GRIP1: variants seen among roughly 807,000 people sequenced by gnomAD.
GRIP1 encodes the protein glutamate receptor interacting protein 1, also known as glutamate receptor-interacting protein 1.
GRIP1 carries 45 observed loss-of-function variants against 129.9 expected under a neutral mutation model. The observed-to-expected ratio is 0.35, with a 90% confidence interval of 0.27 to 0.44. GRIP1 has a LOEUF of 0.44. Ranked by LOEUF, GRIP1 falls within the 20% of genes least tolerant of loss-of-function variation. GRIP1 has a pLI of 1.00. For missense variants in GRIP1, 1,196 were observed against 1,396.8 expected (o/e 0.86, Z 2.29); for synonymous variants, 530 against 520.8 (o/e 1.02, Z -0.24).
intron 1 of GRIP1, among the ~76,000 whole-genome samples, chr12:66,962,643 T>C (rs928142593): frequency 6.6e-6 from 1 of 152,032 alleles, no homozygotes; most frequent in Non-Finnish European, 1.5e-5. Flanking sequence ...AGCCAGTAAA[T>C]GTGCAGGGGT....
At chr12:66,542,695 A>G (rs529081791) in intron 2 of GRIP1, among the ~76,000 whole-genome samples, 1 of 152,356 alleles carries the variant, frequency 6.6e-6, no homozygotes, top group African/African-American at 2.4e-5. Flanking sequence ...AGAAAACTGT[A>G]AGAATATCCT....
chr12:66,822,273 C>T (rs2039334456), intron 1 of GRIP1, among the ~76,000 whole-genome samples: 1 of 152,200 alleles, frequency 6.6e-6, no homozygotes, highest in Admixed American at 6.5e-5. Context: ...TCTCAGCATA[C>T]TTGTGAAAAA....
chr12:66,895,543 C>T (rs1367247969), intron 1 of GRIP1, among the ~76,000 whole-genome samples: 1 of 152,152 alleles, frequency 6.6e-6, no homozygotes, highest in Non-Finnish European at 1.5e-5. Flanking sequence ...CACAGCCTCA[C>T]TTGGTCTGGA....
At chr12:66,711,595 G>C (rs2035714366) in intron 1 of GRIP1, among the ~76,000 whole-genome samples, 1 of 151,676 alleles carries the variant, frequency 6.6e-6, no homozygotes, top group South Asian at 2.1e-4. Flanking sequence ...CTCAGCTTTG[G>C]GATTTTTTCT....
chr12:66,871,681 T>C (rs2040298632), intron 1 of GRIP1, among the ~76,000 whole-genome samples: 1 of 152,106 alleles, frequency 6.6e-6, no homozygotes, highest in Admixed American at 6.6e-5. Context: ...GCCTACTCCA[T>C]GCTCAGCCTA....
chr12:66,716,783 C>T (rs1456166463), intron 1 of GRIP1, among the ~76,000 whole-genome samples: 2 of 151,930 alleles, frequency 1.3e-5, no homozygotes, highest in Non-Finnish European at 2.9e-5. Flanking sequence ...GGAAGAAAAT[C>T]GAGGTGGCAG....
intron 1 of GRIP1, among the ~76,000 whole-genome samples, chr12:66,716,918 AAGTGGTCTCC>A (rs1427542150): frequency 6.6e-6 from 1 of 152,072 alleles, no homozygotes; most frequent in African/African-American, 2.4e-5. Context: ...TCAGCTATTT[AAGTGGTCTCC>A]ACTCTTCATC....
At chr12:66,482,347 G>A (rs145328854) in intron 7 of GRIP1, among the ~76,000 whole-genome samples, 1 of 152,280 alleles carries the variant, frequency 6.6e-6, no homozygotes, top group African/African-American at 2.4e-5. Context: ...CTTATTAGAT[G>A]AGATAGAATT....
chr12:66,826,628 A>G (rs1256315590), intron 1 of GRIP1, among the ~76,000 whole-genome samples: 1 of 152,166 alleles, frequency 6.6e-6, no homozygotes, highest in Non-Finnish European at 1.5e-5. Flanking sequence ...TTCAAACATC[A>G]TCTAGAGAAA....
intron 1 of GRIP1, among the ~76,000 whole-genome samples, chr12:66,840,947 A>G (rs1455298076): frequency 6.6e-6 from 1 of 152,222 alleles, no homozygotes; most frequent in Non-Finnish European, 1.5e-5. Context: ...AGAGTTTCCA[A>G]GTAAAATAAA....
At chr12:66,838,893 A>G (rs928085549) in intron 1 of GRIP1, among the ~76,000 whole-genome samples, 1 of 152,198 alleles carries the variant, frequency 6.6e-6, no homozygotes, top group Non-Finnish European at 1.5e-5. Flanking sequence ...TATGTAGCCA[A>G]TTTTAAACTT....
intron 2 of GRIP1, among the ~76,000 whole-genome samples, chr12:66,559,651 C>A: frequency 6.6e-6 from 1 of 151,666 alleles, no homozygotes; most frequent in Non-Finnish European, 1.5e-5. Context: ...ACTTTAAAAC[C>A]TTGATGAAAG....
intron 1 of GRIP1, among the ~76,000 whole-genome samples, chr12:66,756,878 C>A (rs1242042930): frequency 6.6e-6 from 1 of 152,150 alleles, no homozygotes; most frequent in African/African-American, 2.4e-5. Flanking sequence ...CTGCCACTAA[C>A]CATGTGGTGC....
intron 1 of GRIP1, among the ~76,000 whole-genome samples, chr12:66,692,942 C>CA: frequency 6.6e-6 from 1 of 152,238 alleles, no homozygotes; most frequent in South Asian, 2.1e-4. Flanking sequence ...AGAACAGTAC[C>CA]TAACATATAA....
chr12:66,706,402 T>C (rs1055867037), intron 1 of GRIP1, among the ~76,000 whole-genome samples: 4 of 152,126 alleles, frequency 2.6e-5, no homozygotes, highest in Non-Finnish European at 5.9e-5. Context: ...ATAGAAAGGC[T>C]TTTACACTGT....
chr12:67,046,814 T>C (rs1377205093), intron 1 of GRIP1, among the ~76,000 whole-genome samples: 2 of 152,126 alleles, frequency 1.3e-5, no homozygotes, highest in Non-Finnish European at 2.9e-5. Flanking sequence ...CTCTAGAAAA[T>C]AGTGCTTCAA....
chr12:66,395,034 CTATGTTTCAACAGCAT>C (rs1366410068), intron 16 of GRIP1, among the ~76,000 whole-genome samples: 4 of 152,142 alleles, frequency 2.6e-5, no homozygotes, highest in African/African-American at 4.8e-5. Context: ...CTGTTGTAAG[CTATGTTTCAACAGCAT>C]AGACCAGCCT....
chr12:66,985,009 C>T lies in GRIP1; in HGVS notation c.58+84041G>A, dbSNP rs544209230. Among the ~76,000 whole-genome samples the T allele has an allele frequency of 2.6e-5, 4 of 152,274 alleles. No individual in the cohort carries two copies. In the East Asian group the frequency reaches 7.7e-4, roughly 29 times the overall value. On this transcript the variant is annotated intron_variant, in intron 1 of 1. Coordinates refer to the GRIP1 transcript ENST00000643019. ...AGGTGGTTCTATGCCTTAGAATCAT[C>T]TGAAAGCTTACTCACTCTTTGAGTT... is the stretch of plus-strand genomic sequence containing the variant.
chr12:66,690,396 A>C (rs1056992071), intron 1 of GRIP1, among the ~76,000 whole-genome samples: 4 of 148,490 alleles, frequency 2.7e-5, no homozygotes, highest in Non-Finnish European at 4.5e-5. Context: ...ACACACACAC[A>C]CCACATACAC....
Sources: allele counts gnomAD v4.1 joint callset (sites outside exome capture counted in the v4.1 genomes callset), GRCh38; gene constraint gnomAD v4.1.1; transcripts MANE v1.5; gene names NCBI Gene and HGNC (gene_info 2026-07-23, HGNC 2026-07-21).